CNTN4: variants seen among roughly 807,000 people sequenced by gnomAD.
CNTN4 encodes contactin 4, also known as contactin-4.
CNTN4 carries 77 observed loss-of-function variants against 122.5 expected under a neutral mutation model. The observed-to-expected ratio is 0.63, with a 90% CI of 0.52 to 0.76. The LOEUF (loss-of-function observed/expected upper bound fraction) is 0.76. CNTN4 is among the 30% of genes least tolerant of loss of function. The pLI is 0.00. For synonymous variants in CNTN4, 512 were observed against 447.0 expected (o/e 1.15, Z -1.83); for missense variants, 1,256 against 1,259.1 (o/e 1.00, Z 0.04).
chr3:2,379,829 C>T (rs62245696), intron 3 of CNTN4, among the ~76,000 whole-genome samples: 17,699 of 151,898 alleles, frequency 0.12, 1,307 homozygotes, highest in Non-Finnish European at 0.16. Flanking sequence ...CCGAGGTGGG[C>T]GGATTATCTG....
chr3:2,746,039 C>T (rs527533079), intron 6 of CNTN4, among the ~76,000 whole-genome samples: 6 of 152,214 alleles, frequency 3.9e-5, no homozygotes, highest in Admixed American at 3.3e-4. Context: ...CACCCACACA[C>T]ACACATTTTA....
chr3:2,777,332 G>T (rs907067225), intron 6 of CNTN4, among the ~76,000 whole-genome samples: 2 of 152,154 alleles, frequency 1.3e-5, no homozygotes, highest in Non-Finnish European at 2.9e-5. Flanking sequence ...AGTAAAGAAA[G>T]ATGGAAAACA....
At chr3:2,672,263 C>G (rs2084567557) in intron 4 of CNTN4, among the ~76,000 whole-genome samples, 1 of 152,190 alleles carries the variant, frequency 6.6e-6, no homozygotes, top group Non-Finnish European at 1.5e-5. Context: ...GGGCTCCACC[C>G]AGTTCGAGCT....
chr3:2,779,180 G>A (rs1223357904), intron 6 of CNTN4, among the ~76,000 whole-genome samples: 5 of 152,308 alleles, frequency 3.3e-5, no homozygotes, highest in African/African-American at 1.2e-4. Flanking sequence ...ACATCACGAT[G>A]TTGAAATGGC....
intron 13 of CNTN4, among the ~76,000 whole-genome samples, chr3:2,952,253 A>G (rs1022980242): frequency 7.6e-6 from 1 of 131,536 alleles, no homozygotes; most frequent in Non-Finnish European, 1.8e-5. Context: ...ACAGCTCCCT[A>G]TGTATGTTGA....
chr3:2,167,898 GT>G (rs1301297616), intron 2 of CNTN4, among the ~76,000 whole-genome samples: 2 of 152,096 alleles, frequency 1.3e-5, no homozygotes, highest in Non-Finnish European at 2.9e-5. Context: ...GCTTATGCCT[GT>G]AATCCCTGAA....
rs149094694 is a variant in CNTN4, at chr3:2,618,385, G to A, written c.55+46827G>A. Among the ~76,000 whole-genome samples the A allele has an allele frequency of 2.8e-3, 422 of 151,896 alleles. 1 individual carries two copies. The highest frequency in any genetic ancestry group is 9.4e-3 in the African/African-American group (391 of 41,402). ...ACATTTTGTATATATACATGTTTAC[G>A]TATACACATATTATTACAAATGTTT... On this transcript the variant is annotated intron_variant, in intron 4 of 24. Transcript: ENST00000418658.
At chr3:2,712,394 A>AT in intron 4 of CNTN4, among the ~76,000 whole-genome samples, 1 of 152,240 alleles carries the variant, frequency 6.6e-6, no homozygotes, top group Non-Finnish European at 1.5e-5. Context: ...ATAAAATTCT[A>AT]TTAGCTAGTA....
intron 6 of CNTN4, among the ~76,000 whole-genome samples, chr3:2,765,134 T>C (rs1468281880): frequency 6.6e-6 from 1 of 152,242 alleles, no homozygotes; most frequent in East Asian, 1.9e-4. Context: ...TACTGTCAAC[T>C]AAACTCCACT....
chr3:2,209,911 G>T (rs2149433733), intron 2 of CNTN4, among the ~76,000 whole-genome samples: 1 of 152,114 alleles, frequency 6.6e-6, no homozygotes, highest in East Asian at 1.9e-4. Flanking sequence ...CATATTGGAT[G>T]TGTAATATGA....
At chr3:2,538,208 A>T (rs935386171) in intron 3 of CNTN4, among the ~76,000 whole-genome samples, 69 of 152,218 alleles carry the variant, frequency 4.5e-4, no homozygotes, top group African/African-American at 1.6e-3. Context: ...CCAGAAGCTA[A>T]ATAGAAGGAG....
intron 6 of CNTN4, among the ~76,000 whole-genome samples, chr3:2,777,684 C>A (rs772583129): frequency 1.1e-4 from 16 of 152,190 alleles, no homozygotes; most frequent in Non-Finnish European, 1.8e-4. Context: ...TGGGAGGTAT[C>A]TCACGCAAGA....
At chr3:2,225,328 G>T (rs2039238167) in intron 2 of CNTN4, among the ~76,000 whole-genome samples, 1 of 150,402 alleles carries the variant, frequency 6.6e-6, no homozygotes, top group South Asian at 2.1e-4. Flanking sequence ...GCCTGGCCAA[G>T]ATGGTGAAAC....
At chr3:2,375,734 G>A (rs1316928342) in intron 3 of CNTN4, among the ~76,000 whole-genome samples, 1 of 152,000 alleles carries the variant, frequency 6.6e-6, no homozygotes, top group Non-Finnish European at 1.5e-5. Flanking sequence ...TTTATATCAT[G>A]AAGTGTTACC....
At chr3:2,204,055 T>C (rs1385932786) in intron 2 of CNTN4, among the ~76,000 whole-genome samples, 2 of 152,218 alleles carry the variant, frequency 1.3e-5, no homozygotes, top group African/African-American at 2.4e-5. Context: ...TAAACAATTG[T>C]AACATTTAAA....
At chr3:2,344,026 C>T (rs1339696489) in intron 3 of CNTN4, among the ~76,000 whole-genome samples, 2 of 152,114 alleles carry the variant, frequency 1.3e-5, no homozygotes, top group African/African-American at 4.8e-5. Context: ...ACTAATACAG[C>T]AGGAATTTAC....
At chr3:2,419,646 T>A (rs1007552419) in intron 3 of CNTN4, among the ~76,000 whole-genome samples, 2 of 152,200 alleles carry the variant, frequency 1.3e-5, no homozygotes, top group African/African-American at 4.8e-5. Context: ...TCAACCAGTT[T>A]TTAAAACTTA....
At chr3:2,184,615 A>G (rs1001580947) in intron 2 of CNTN4, among the ~76,000 whole-genome samples, 3 of 152,104 alleles carry the variant, frequency 2.0e-5, no homozygotes, top group Admixed American at 6.5e-5. Context: ...AAACAATATT[A>G]TGAGGGAGGG....
intron 4 of CNTN4, among the ~76,000 whole-genome samples, chr3:2,710,569 T>G (rs1419238325): frequency 6.6e-6 from 1 of 152,190 alleles, no homozygotes; most frequent in Non-Finnish European, 1.5e-5. Context: ...TTAAAAGGTG[T>G]CAATTGCATT....
Sources: gnomAD v4.1 joint callset for allele counts (sites outside exome capture counted in the v4.1 genomes callset) on GRCh38, gnomAD v4.1.1 for gene constraint, MANE v1.5 for transcripts, NCBI Gene and HGNC (gene_info 2026-07-23, HGNC 2026-07-21) for gene names.